ADK: variants seen among roughly 807,000 people sequenced by gnomAD.
ADK encodes adenosine kinase, also known as N6,N6-dimethyladenosine kinase.
Under a neutral mutation model 44.7 loss-of-function variants are expected in ADK, and 24 were observed. That is an observed-to-expected ratio of 0.54 (90% CI 0.39 to 0.76). The LOEUF is 0.76. Among genes scored for constraint, ADK ranks in the 30% least tolerant of loss-of-function variants. The pLI is 0.00. For synonymous variants in ADK, 128 were observed against 142.6 expected (o/e 0.90, Z 0.73); for missense variants, 321 against 425.1 (o/e 0.76, Z 2.15).
At chr10:74,401,302 AG>A (rs1213731804) in intron 6 of ADK, among the ~76,000 whole-genome samples, 1 of 152,186 alleles carries the variant, frequency 6.6e-6, no homozygotes, top group Non-Finnish European at 1.5e-5. Flanking sequence ...GGGAGGCCAA[AG>A]CCAGTGGATT....
chr10:74,452,105 C>T (rs984206885), intron 6 of ADK, among the ~76,000 whole-genome samples: 5 of 151,060 alleles, frequency 3.3e-5, no homozygotes, highest in African/African-American at 1.2e-4. Context: ...GATATATCTC[C>T]CTTGAACAAA....
chr10:74,525,426 A>G lies in ADK; in HGVS notation c.726A>G (p.Thr242=), dbSNP rs1459791517. ...TTGATATACTTTTTGGAAATGAGAC[A>G]GTGAGTTACCTTTCCTTTTTCAAAA... ...PYVDILFGNE[T]EAATFAREQG... The change falls in exon 7 of 11, where the codon ACA becomes ACG. Residue 242 remains threonine (T), a splice_region_variant and synonymous_variant. Coordinates refer to ENST00000539909, the MANE Select transcript of ADK (RefSeq NM_006721.4). The G allele has an allele frequency of 1.9e-6, 3 of 1,610,530 alleles. No homozygotes were observed. The highest frequency in any genetic ancestry group is 2.5e-6 in the Non-Finnish European group (3 of 1,178,528).
chr10:74,181,380 A>AG (rs1255841131), intron 1 of ADK, among the ~76,000 whole-genome samples: 3 of 152,164 alleles, frequency 2.0e-5, no homozygotes, highest in African/African-American at 7.2e-5. Context: ...TTACTGATTA[A>AG]GAGTCTAAAT....
chr10:74,183,082 C>T (rs940847074), intron 1 of ADK, among the ~76,000 whole-genome samples: 3 of 152,056 alleles, frequency 2.0e-5, no homozygotes, highest in African/African-American at 2.4e-5. Context: ...TACAGTCCCA[C>T]CTGTAGTCCT....
intron 10 of ADK, among the ~76,000 whole-genome samples, chr10:74,673,662 G>A (rs1855266239): frequency 6.6e-6 from 1 of 152,200 alleles, no homozygotes; most frequent in South Asian, 2.1e-4. Context: ...CAGCTCAGTT[G>A]AGTGACCCTC....
chr10:74,452,938 A>G (rs1169506134), intron 6 of ADK, among the ~76,000 whole-genome samples: 2 of 152,068 alleles, frequency 1.3e-5, no homozygotes, highest in African/African-American at 4.8e-5. Flanking sequence ...AATAAGAACA[A>G]CTTATATAAG....
chr10:74,225,478 G>C (rs1170760347), intron 3 of ADK, among the ~76,000 whole-genome samples: 2 of 152,042 alleles, frequency 1.3e-5, no homozygotes, highest in Admixed American at 6.6e-5. Context: ...TTTTTTCGTA[G>C]AGGACTTCAA....
At chr10:74,192,400 C>G (rs1842984386) in intron 1 of ADK, among the ~76,000 whole-genome samples, 1 of 151,812 alleles carries the variant, frequency 6.6e-6, no homozygotes, top group Admixed American at 6.6e-5. Context: ...GCTAATTTTT[C>G]TGTTTTTAGT....
chr10:74,267,488 G>T (rs780594447), intron 3 of ADK, among the ~76,000 whole-genome samples: 7 of 151,976 alleles, frequency 4.6e-5, no homozygotes, highest in Non-Finnish European at 1.0e-4. Flanking sequence ...TTCCAGATTG[G>T]GAATAATTAA....
At chr10:74,674,851 C>T (rs1354744437) in intron 10 of ADK, among the ~76,000 whole-genome samples, 1 of 151,862 alleles carries the variant, frequency 6.6e-6, no homozygotes, top group African/African-American at 2.4e-5. Context: ...TACTGCACTC[C>T]AGCCTGGGTG....
intron 6 of ADK, among the ~76,000 whole-genome samples, chr10:74,515,386 T>C (rs567132685): frequency 6.6e-6 from 1 of 152,150 alleles, no homozygotes; most frequent in African/African-American, 2.4e-5. Flanking sequence ...GCCAACTTGG[T>C]TGGTGAGATT....
At chr10:74,591,735 T>G (rs1246470335) in intron 8 of ADK, among the ~76,000 whole-genome samples, 1 of 152,162 alleles carries the variant, frequency 6.6e-6, no homozygotes, top group African/African-American at 2.4e-5. Flanking sequence ...CCCTTCTAAC[T>G]TTAATTTTGA....
chr10:74,213,936 A>T (rs1243441994), intron 2 of ADK, among the ~76,000 whole-genome samples: 2 of 152,236 alleles, frequency 1.3e-5, no homozygotes, highest in African/African-American at 4.8e-5. Context: ...TTAATAAAAT[A>T]TGTGGCTAGT....
intron 10 of ADK, among the ~76,000 whole-genome samples, chr10:74,689,103 G>A (rs1418138459): frequency 6.6e-6 from 1 of 151,914 alleles, no homozygotes; most frequent in Non-Finnish European, 1.5e-5. Flanking sequence ...CAAAAAATTA[G>A]CTGGGCGTGG....
At chr10:74,347,857 C>T (rs1179262073) in intron 4 of ADK, among the ~76,000 whole-genome samples, 1 of 152,130 alleles carries the variant, frequency 6.6e-6, no homozygotes, top group Non-Finnish European at 1.5e-5. Context: ...GGCCAGACTC[C>T]CTGTCTAGAT....
chr10:74,163,535 A>G (rs1009911469), intron 1 of ADK, among the ~76,000 whole-genome samples: 1 of 152,252 alleles, frequency 6.6e-6, no homozygotes, highest in African/African-American at 2.4e-5. Flanking sequence ...ACTGTGTAAC[A>G]TAACATACTG....
chr10:74,577,488 C>T (rs547149535), intron 7 of ADK, among the ~76,000 whole-genome samples: 4 of 151,228 alleles, frequency 2.6e-5, no homozygotes, highest in East Asian at 1.9e-4. Flanking sequence ...TTTCTTTCAA[C>T]TATTGCTACC....
chr10:74,630,325 C>T (rs1307269437), intron 9 of ADK, among the ~76,000 whole-genome samples: 4 of 142,354 alleles, frequency 2.8e-5, no homozygotes, highest in Non-Finnish European at 3.1e-5. Context: ...AATTATCCCA[C>T]TTTTTTTTTT....
chr10:74,255,959 G>A (rs561390221), intron 3 of ADK, among the ~76,000 whole-genome samples: 6 of 152,250 alleles, frequency 3.9e-5, no homozygotes, highest in Non-Finnish European at 8.8e-5. Flanking sequence ...TCATAACTGG[G>A]TAGTCAACGA....
Sources: allele counts gnomAD v4.1 joint callset (sites outside exome capture counted in the v4.1 genomes callset), GRCh38; gene constraint gnomAD v4.1.1; transcripts MANE v1.5; gene names NCBI Gene and HGNC (gene_info 2026-07-23, HGNC 2026-07-21).